AGAP3: variants seen among roughly 807,000 people sequenced by gnomAD.
The protein encoded by AGAP3 is ArfGAP with GTPase domain, ankyrin repeat and PH domain 3.
AGAP3 carries 24 observed loss-of-function variants against 96.9 expected under a neutral mutation model. The ratio of observed to expected loss-of-function variants is 0.25; its 90% CI spans 0.18 to 0.35. AGAP3 has a LOEUF of 0.35. Ranked by LOEUF, AGAP3 falls within the 10% of genes least tolerant of loss-of-function variation. AGAP3 has a pLI of 1.00. For synonymous variants in AGAP3, 563 were observed against 536.1 expected, an observed-to-expected ratio of 1.05 and a Z score of -0.69; for missense variants, 876 against 1,254.2, an observed-to-expected ratio of 0.70 and a Z score of 4.55.
intron 11 of AGAP3, among the ~76,000 whole-genome samples, chr7:151,134,838 C>A (rs1479645348): frequency 6.6e-6 from 1 of 152,054 alleles, no homozygotes; most frequent in Non-Finnish European, 1.5e-5. Flanking sequence ...GGTCCTAGGC[C>A]CATCTCTGCA....
Position 151,142,330 on chromosome 7 carries a change from A to AG in AGAP3, c.2051-79dup. The AG allele has an allele frequency of 6.3e-7, 1 of 1,594,018 alleles. No homozygotes were observed. The highest frequency in any genetic ancestry group is 8.6e-7 in the Non-Finnish European group (1 of 1,165,664). On this transcript the variant is annotated intron_variant, in intron 15 of 17. Transcript: ENST00000397238. The surrounding 1 kb of genome is among the most constrained non-coding windows in gnomAD (Gnocchi z 7.5). ...TCGCAAGCATCAGGGAGCAGGGAAG[A>AG]GGGCAGGGAAGCCTTCCCTAGTTGT...
At chr7:151,125,286 T>G (rs1800108695) in intron 9 of AGAP3, among the ~76,000 whole-genome samples, 1 of 152,204 alleles carries the variant, frequency 6.6e-6, no homozygotes. Context: ...TCCTACGTGC[T>G]CCCTTTCCTC....
At chr7:151,122,255 G>A (rs544709088) in intron 8 of AGAP3, among the ~76,000 whole-genome samples, 4 of 152,218 alleles carry the variant, frequency 2.6e-5, no homozygotes, top group South Asian at 2.1e-4. Flanking sequence ...GGGATGGGGC[G>A]GTGCCGCCTG....
intron 1 of AGAP3, among the ~76,000 whole-genome samples, chr7:151,087,498 G>A (rs1165629105): frequency 6.6e-6 from 1 of 152,116 alleles, no homozygotes; most frequent in Non-Finnish European, 1.5e-5. Context: ...AGCCTTCCCG[G>A]GCCCAGCGCC....
At chr7:151,107,470 A>G (rs1799104235) in intron 1 of AGAP3, among the ~76,000 whole-genome samples, 1 of 151,934 alleles carries the variant, frequency 6.6e-6, no homozygotes, top group South Asian at 2.1e-4. Flanking sequence ...CAAAAAAAAT[A>G]CTAAACCTAG....
At chr7:151,128,783 A>G (rs1800286348) in intron 10 of AGAP3, 99 bp downstream of exon 10, 1 of 1,003,866 alleles carries the variant, frequency 1.0e-6, no homozygotes, top group Non-Finnish European at 1.5e-6. Flanking sequence ...ATGGACGGGA[A>G]GCAGACCTTA....
At chr7:151,092,305 C>G (rs778935407) in intron 1 of AGAP3, among the ~76,000 whole-genome samples, 15 of 152,212 alleles carry the variant, frequency 9.9e-5, no homozygotes, top group Non-Finnish European at 1.5e-4. Context: ...TGGGGGGAGA[C>G]AGACACCCCC....
Position 151,115,380 on chromosome 7 carries a change from G to C in AGAP3, c.332-1413G>C, listed in dbSNP as rs1047598778. ...CCGCGGCCAGGAGGTGCGGCGCTCC[G>C]AGTCAGGGCTGCTGGCCCGGCCGCC... On this transcript the variant is annotated intron_variant, in intron 1 of 17. Transcript: ENST00000397238. The C allele has an allele frequency of 5.9e-6, 6 of 1,020,836 alleles. No homozygotes were observed. In the African/African-American group the frequency reaches 1.0e-4, roughly 18 times the overall value. 63.2% of individuals were successfully genotyped at this position (1,020,836 alleles called of 1,614,324 possible). A position where few individuals can be genotyped will look rare whatever the true frequency, so the allele number is the denominator to read the frequency against.
At chr7:151,138,717 G>A (rs982273810) in intron 12 of AGAP3, among the ~76,000 whole-genome samples, 4 of 152,170 alleles carry the variant, frequency 2.6e-5, no homozygotes, top group Admixed American at 1.3e-4. Flanking sequence ...GCAGGGGGAC[G>A]GGGAAGCGGC....
chr7:151,142,320 A>AGCAGGGAAGAGG lies in AGAP3; in HGVS notation c.2050+77_2051-71dup. ...AGGGAAAGCTTCGCAAGCATCAGGG[A>AGCAGGGAAGAGG]GCAGGGAAGAGGGCAGGGAAGCCTT... On this transcript the variant is annotated intron_variant, in intron 15 of 17. Transcript: ENST00000397238. This position sits in a 1 kb window ranked among gnomAD's most constrained non-coding sequence, Gnocchi z 7.5. 1 of 1,599,628 alleles carries AGCAGGGAAGAGG rather than the reference A, an allele frequency of 6.3e-7. No individual in the cohort carries two copies.
chr7:151,117,739 A>C lies in AGAP3; in HGVS notation c.668A>C (p.Asn223Thr). The change falls in exon 5 of 18, where the codon AAC becomes ACC. Residue 223 changes from asparagine to threonine, a missense_variant. Transcript: ENST00000397238. Reference protein sequence around the residue: ...NYFLRLCSFRNASEVPMVLVG... With the variant: ...NYFLRLCSFRTASEVPMVLVG... The stretch of plus-strand genomic sequence containing the variant: ...TTCCTGCGTCTCTGCAGCTTCCGCA[A>C]CGCCAGCGAGGTGCCCATGGTGCTT... 6 of 1,614,160 alleles carry C rather than the reference A, an allele frequency of 3.7e-6. No individual in the cohort carries two copies. Among genetic ancestry groups the C allele is most frequent in the Non-Finnish European group, 5.1e-6 (6 of 1,180,006 alleles).
At chr7:151,121,912 C>T (rs1451300334) in intron 8 of AGAP3, among the ~76,000 whole-genome samples, 3 of 152,206 alleles carry the variant, frequency 2.0e-5, no homozygotes, top group South Asian at 2.1e-4. Flanking sequence ...TGCTCGAGGG[C>T]GAGCCCCTGT....
chr7:151,131,087 AG>A (rs1800385379), intron 10 of AGAP3: 1 of 152,260 alleles, frequency 6.6e-6, no homozygotes. Context: ...GTCTCGCCTG[AG>A]CCCCAAGGGC....
rs548512929 is a variant in AGAP3, at chr7:151,141,430, G to A, written c.1805-468G>A. 5.9e-6 allele frequency: 1 copy of A among 169,036 alleles called. No individual in the cohort carries two copies. Among genetic ancestry groups the A allele is most frequent in the Non-Finnish European group, 1.3e-5 (1 of 78,520 alleles). The allele number at this position is 169,036 out of a possible 1,614,324, so 10.5% of individuals were successfully genotyped here. On this transcript the variant is annotated intron_variant, in intron 13 of 17. Transcript: ENST00000397238. The surrounding 1 kb of genome is among the most constrained non-coding windows in gnomAD (Gnocchi z 4.2). Reference sequence around the variant, plus strand: ...CAGCTCCCAGGAGCCCCACGCTGACGCCGTCAGGAATATTGGGTTTAATGA... The same window carrying A: ...CAGCTCCCAGGAGCCCCACGCTGACACCGTCAGGAATATTGGGTTTAATGA...
chr7:151,086,999 C>G lies in AGAP3; in HGVS notation c.258C>G (p.Ile86Met). ...CCGTGCATCCCAATATCTACGCCAT[C>G]TACGACCTGATCGAGCGCATCGAGG... is the stretch of plus-strand genomic sequence containing the variant. ...FESVHPNIYA[I>M]YDLIERIEDL... is the part of the protein sequence containing the mutation. Residue 86 changes from isoleucine to methionine, a missense_variant, in exon 1 of 18, where the codon ATC becomes ATG. Transcript: ENST00000397238. 2 of 1,613,220 alleles carry G rather than the reference C, an allele frequency of 1.2e-6. No individual in the cohort carries two copies. Among genetic ancestry groups the G allele is most frequent in the Non-Finnish European group, 8.5e-7 (1 of 1,179,652 alleles).
chr7:151,121,583 C>A (rs911706859), intron 8 of AGAP3, among the ~76,000 whole-genome samples: 1 of 152,240 alleles, frequency 6.6e-6, no homozygotes, highest in Admixed American at 6.5e-5. Flanking sequence ...CGCCCACGCC[C>A]AGTCCCCGGC....
Position 151,142,576 on chromosome 7 carries a change from A to AAC in AGAP3, c.2217_2218dup (p.Ser740ThrfsTer64). 1 of 1,613,632 alleles carries AAC rather than the reference A, an allele frequency of 6.2e-7. No homozygotes were observed. Among genetic ancestry groups the AAC allele is most frequent in the East Asian group, 2.2e-5 (1 of 44,874 alleles). On this transcript the variant is annotated frameshift_variant, in exon 16 of 18. Transcript: ENST00000397238. LOFTEE classifies it high-confidence loss of function. The surrounding 1 kb of genome is among the most constrained non-coding windows in gnomAD (Gnocchi z 7.5). The stretch of plus-strand genomic sequence containing the variant: ...GACTGCCATGGGCAATGCCCTCGCC[A>AAC]ACAGCGTCTGGGAGGGGGCCTTGGG...
At chr7:151,115,726 C>G in intron 1 of AGAP3, 1 of 887,568 alleles carries the variant, frequency 1.1e-6, no homozygotes, top group Non-Finnish European at 1.4e-6. Flanking sequence ...CGAGCTGCCG[C>G]GCGCGTCCGG....
chr7:151,143,214 T>A lies in AGAP3; in HGVS notation c.2274-127T>A. 1 of 1,194,206 alleles carries A rather than the reference T, an allele frequency of 8.4e-7. No individual in the cohort carries two copies. 74.0% of individuals were successfully genotyped at this position (1,194,206 alleles called of 1,614,324 possible). A position where few individuals can be genotyped will look rare whatever the true frequency, so the allele number is the denominator to read the frequency against. On this transcript the variant is annotated intron_variant, in intron 16 of 17. Coordinates refer to ENST00000397238, the MANE Select transcript of AGAP3 (RefSeq NM_031946.7). The surrounding 1 kb of genome is among the most constrained non-coding windows in gnomAD (Gnocchi z 5.9). ...TTCTCTCCTTCCTTTTTGCTCCATCTCATCTTCTCTCACTGTTTCTTCCTT... is the reference window on the plus strand; with the variant it reads ...TTCTCTCCTTCCTTTTTGCTCCATCACATCTTCTCTCACTGTTTCTTCCTT...
Sources: allele counts gnomAD v4.1 joint callset (sites outside exome capture counted in the v4.1 genomes callset), GRCh38; gene constraint gnomAD v4.1.1; non-coding constraint Gnocchi (gnomAD v3.1); transcripts MANE v1.5; gene names NCBI Gene and HGNC (gene_info 2026-07-23, HGNC 2026-07-21).